The following MASP1 variants were observed in gnomAD, a reference collection of about 807,000 sequenced individuals.
MASP1 encodes the protein mannan-binding lectin serine protease 1.
Under a neutral mutation model 77.1 loss-of-function variants are expected in MASP1, and 59 were observed. That is an observed-to-expected ratio of 0.77 (90% CI 0.62 to 0.95). The LOEUF is 0.95. Ranked by LOEUF, MASP1 falls within the 40% of genes least tolerant of loss-of-function variation. MASP1 has a pLI of 0.00. For missense variants in MASP1, 885 were observed against 912.9 expected, an observed-to-expected ratio of 0.97 and a Z score of 0.39; for synonymous variants, 362 against 354.5, an observed-to-expected ratio of 1.02 and a Z score of -0.24.
chr3:187,245,501 C>A (rs552486098), intron 8 of MASP1, among the ~76,000 whole-genome samples: 1 of 152,134 alleles, frequency 6.6e-6, no homozygotes, highest in African/African-American at 2.4e-5. Context: ...GCTGGCCCTA[C>A]AACTAGGTAG....
chr3:187,241,562 T>G lies in MASP1; in HGVS notation c.1229-7A>C. 1.3e-6 allele frequency: 2 copies of G among 1,599,678 alleles called. No individual in the cohort carries two copies. Among genetic ancestry groups the G allele is most frequent in the Non-Finnish European group, 1.7e-6 (2 of 1,166,938 alleles). On this transcript the variant is annotated splice_region_variant and splice_polypyrimidine_tract_variant and intron_variant, in intron 9 of 10. Transcript: ENST00000296280. ...GCAGAACAGGTATATATACCTGGAT[T>G]AGTGAAAGAGGTTAGGAGAGGAGGG...
chr3:187,256,767 T>C lies in MASP1; in HGVS notation c.641A>G (p.Tyr214Cys). The part of the protein sequence containing the change: ...NPYPKSSECL[Y>C]TIELEEGFMV... ...GAAACCCTCCTCCAGCTCGATGGTA[T>C]ACAGGCATTCAGAGCTCTTGGGGTA... The change falls in exon 5 of 11, where the codon TAT becomes TGT. Residue 214 changes from tyrosine (Y) to cysteine (C), a missense_variant. Tyr to Cys is a radical substitution (Grantham distance 194, BLOSUM62 -2). Transcript: ENST00000296280. 6.2e-7 allele frequency: 1 copy of C among 1,614,006 alleles called. No individual in the cohort carries two copies.
At chr3:187,228,701 G>A (rs956177669) in intron 11 of MASP1, among the ~76,000 whole-genome samples, 8 of 151,774 alleles carry the variant, frequency 5.3e-5, no homozygotes, top group Admixed American at 4.6e-4. Context: ...TCCTCTCCCC[G>A]ACTCTGCTCC....
In MASP1 at chr3:187,235,205, C is replaced by T. The variant is rs1362452387; in HGVS notation, c.*479G>A. On this transcript the variant is annotated 3_prime_UTR_variant, in exon 11 of 11. Coordinates refer to ENST00000296280, the MANE Select transcript of MASP1 (RefSeq NM_139125.4). ...CTCTTCTCCTAGAGGAAGGATTAGG[C>T]CAAGGCTAGTCCCAGAAGGCAGAGC... is the stretch of plus-strand genomic sequence containing the variant. The T allele has an allele frequency of 3.1e-6, 4 of 1,288,338 alleles. No individual in the cohort carries two copies. The Admixed American group carries it at 9.2e-5, about 30-fold the overall frequency. The allele number at this position is 1,288,338 out of a possible 1,614,324, so 79.8% of individuals were successfully genotyped here.
At chr3:187,243,451 C>T (rs749523518) in intron 9 of MASP1, 33 bp downstream of exon 9, 34 of 1,613,416 alleles carry the variant, frequency 2.1e-5, no homozygotes, top group Middle Eastern at 3.3e-4. Context: ...GAGTGTGAAA[C>T]GGGAGTGGGA....
At chr3:187,278,461 A>T (rs1717140950) in intron 2 of MASP1, among the ~76,000 whole-genome samples, 2 of 152,166 alleles carry the variant, frequency 1.3e-5, no homozygotes, top group Non-Finnish European at 2.9e-5. Flanking sequence ...ACAGAATTTA[A>T]TCCTCACTGT....
intron 8 of MASP1, 41 bp downstream of exon 8, chr3:187,250,210 G>C: frequency 6.6e-7 from 1 of 1,522,604 alleles, no homozygotes; most frequent in Non-Finnish European, 9.1e-7. Flanking sequence ...CCAGTGCTGG[G>C]GAGCTCAGTA....
Position 187,251,756 on chromosome 3 carries a change from G to C in MASP1, c.893-4C>G, listed in dbSNP as rs182282547. On this transcript the variant is annotated splice_polypyrimidine_tract_variant and splice_region_variant and intron_variant, in intron 6 of 10. Coordinates refer to ENST00000296280, the MANE Select transcript of MASP1 (RefSeq NM_139125.4). ...TGTAGCTCTGGGCACTCATTTCCTG[G>C]TGAGGAGCAAATGAAAGAACAGCAG... 1 of 1,608,658 alleles carries C rather than the reference G, an allele frequency of 6.2e-7. No homozygotes were observed.
At chr3:187,273,413 G>A (rs952253243) in intron 2 of MASP1, among the ~76,000 whole-genome samples, 1 of 152,224 alleles carries the variant, frequency 6.6e-6, no homozygotes, top group African/African-American at 2.4e-5. Context: ...AGAGCAAAGT[G>A]AGGGATCTCT....
chr3:187,245,094 G>C (rs1289812979), intron 8 of MASP1: 1 of 152,104 alleles, frequency 6.6e-6, no homozygotes, highest in African/African-American at 2.4e-5. Flanking sequence ...AATCACCCTG[G>C]ACAAATCATC....
chr3:187,247,362 C>G lies in MASP1; in HGVS notation c.1090+2889G>C, dbSNP rs773974562. The G allele has an allele frequency of 1.9e-6, 3 of 1,613,922 alleles. No homozygotes were observed. The African/African-American group carries it at 4.0e-5, about 22-fold the overall frequency. ...TCTGTCACTTGCTCTGACTTGAGTT[C>G]GCTCTCCAGATCGATTTCATTTTCT... On this transcript the variant is annotated intron_variant, in intron 8 of 10. Coordinates refer to ENST00000296280, the MANE Select transcript of MASP1 (RefSeq NM_139125.4).
At chr3:187,281,747 T>C (rs545365931) in intron 2 of MASP1, among the ~76,000 whole-genome samples, 1 of 152,284 alleles carries the variant, frequency 6.6e-6, no homozygotes, top group South Asian at 2.1e-4. Flanking sequence ...GGATTACAAT[T>C]CCAGAATTGA....
downstream of MASP1, among the ~76,000 whole-genome samples, chr3:187,233,714 C>T (rs575367672): frequency 3.5e-4 from 54 of 152,322 alleles, no homozygotes; most frequent in Non-Finnish European, 4.4e-5. Flanking sequence ...TGACATACTG[C>T]AGGGCATCTG....
chr3:187,256,397 G>A (rs971848730), intron 5 of MASP1, among the ~76,000 whole-genome samples: 6 of 152,206 alleles, frequency 3.9e-5, no homozygotes, highest in African/African-American at 7.2e-5. Context: ...GAGGCTGGGC[G>A]TGCCCGCCAG....
chr3:187,241,522 A>G lies in MASP1; in HGVS notation c.1262T>C (p.Met421Thr), dbSNP rs1351343102. 2 of 1,613,822 alleles carry G rather than the reference A, an allele frequency of 1.2e-6. No individual in the cohort carries two copies. The highest frequency in any genetic ancestry group is 1.7e-6 in the Non-Finnish European group (2 of 1,179,748). Reference protein sequence around the residue: ...IYTCSAQGVWMNKVLGRSLPT... With the variant: ...IYTCSAQGVWTNKVLGRSLPT... ...TAGGCTTCTCCCCAATACTTTATTCATCCAGACTCCTTGGGCAGAACAGGT... is the reference window on the plus strand; with the variant it reads ...TAGGCTTCTCCCCAATACTTTATTCGTCCAGACTCCTTGGGCAGAACAGGT... Residue 421 changes from methionine to threonine, a missense_variant, in exon 10 of 11, where the codon ATG becomes ACG. Coordinates refer to ENST00000296280, the MANE Select transcript of MASP1 (RefSeq NM_139125.4).
intron 2 of MASP1, among the ~76,000 whole-genome samples, chr3:187,264,488 G>A (rs1298646324): frequency 6.8e-6 from 1 of 147,188 alleles, no homozygotes; most frequent in Non-Finnish European, 1.5e-5. Flanking sequence ...AAAAAAAAAA[G>A]TACTTTAAAG....
rs115376356 is a variant in MASP1, at chr3:187,225,603, C to T, written c.1556-94G>A. ...GCCCCCGCCCCAGCCCCATCCAGCC[C>T]TTGCTTCCAGCCTTAGCCCTTTCAC... On this transcript the variant is annotated intron_variant, in intron 12 of 15. Coordinates refer to the MASP1 transcript ENST00000337774. 580 of 1,334,462 alleles carry T rather than the reference C, an allele frequency of 4.3e-4. No individual in the cohort carries two copies. The African/African-American group carries it at 6.9e-3, about 16-fold the overall frequency. 82.7% of individuals were successfully genotyped at this position (1,334,462 alleles called of 1,614,324 possible).
intron 2 of MASP1, chr3:187,276,756 G>A (rs1717000456): frequency 6.6e-6 from 1 of 152,290 alleles, no homozygotes; most frequent in African/African-American, 2.4e-5. Context: ...TGGTGTTTGG[G>A]TCCTGGTGTC....
chr3:187,268,263 C>G (rs1248551752), intron 2 of MASP1, among the ~76,000 whole-genome samples: 1 of 152,164 alleles, frequency 6.6e-6, no homozygotes, highest in African/African-American at 2.4e-5. Flanking sequence ...GAGAGGATCA[C>G]TTGAGCCCAG....
Sources: gnomAD v4.1 joint callset for allele counts (sites outside exome capture counted in the v4.1 genomes callset) on GRCh38, gnomAD v4.1.1 for gene constraint, MANE v1.5 for transcripts, NCBI Gene and HGNC (gene_info 2026-07-23, HGNC 2026-07-21) for gene names.